GTF2I: variants seen among roughly 807,000 people sequenced by gnomAD.
GTF2I encodes general transcription factor IIi.
In GTF2I, 12 loss-of-function variants were observed where a neutral mutation model predicts 67.6. The observed-to-expected ratio is 0.18, with a 90% confidence interval of 0.11 to 0.29. The LOEUF (loss-of-function observed/expected upper bound fraction) is 0.29. GTF2I is among the 10% of genes least tolerant of loss of function. The pLI, the probability that GTF2I is intolerant of heterozygous loss-of-function variation, is 1.00. For synonymous variants in GTF2I, 149 were observed against 197.0 expected (o/e 0.76, Z 2.04); for missense variants, 271 against 580.1 (o/e 0.47, Z 5.47).
intron 6 of GTF2I, among the ~76,000 whole-genome samples, chr7:74,701,892 T>C (rs1789824745): frequency 1.3e-5 from 2 of 152,244 alleles, no homozygotes; most frequent in African/African-American, 4.8e-5. Flanking sequence ...GTCTCTGTTA[T>C]TTCATGAATG....
chr7:74,723,333 T>A (rs1208938019), intron 12 of GTF2I, among the ~76,000 whole-genome samples: 1 of 151,782 alleles, frequency 6.6e-6, no homozygotes, highest in Non-Finnish European at 1.5e-5. Flanking sequence ...TTCACCATTT[T>A]GGCCAGGGTG....
intron 26 of GTF2I, among the ~76,000 whole-genome samples, chr7:74,750,498 A>G (rs1795748183): frequency 9.7e-6 from 1 of 103,366 alleles, no homozygotes; most frequent in African/African-American, 3.1e-5. Flanking sequence ...CACATGAATT[A>G]TTTGAAATCA....
At chr7:74,733,410 A>ATGTAT (rs1794649377) in intron 15 of GTF2I, among the ~76,000 whole-genome samples, 1 of 137,960 alleles carries the variant, frequency 7.2e-6, no homozygotes, top group African/African-American at 2.7e-5. Context: ...TCCATGAAGC[A>ATGTAT]CCTTATGAGA....
At chr7:74,708,095 T>C (rs587715433) in intron 8 of GTF2I, among the ~76,000 whole-genome samples, 1 of 151,920 alleles carries the variant, frequency 6.6e-6, no homozygotes, top group Admixed American at 6.6e-5. Context: ...AGGTCAGGAG[T>C]TGGAGACCGG....
intron 1 of GTF2I, among the ~76,000 whole-genome samples, chr7:74,662,453 G>A (rs1174958589): frequency 1.0e-4 from 15 of 145,676 alleles, no homozygotes; most frequent in African/African-American, 2.8e-4. Context: ...CAGGTGATCC[G>A]CCTGCCTTGG....
chr7:74,659,988 GTCT>G (rs1408989439), intron 1 of GTF2I, among the ~76,000 whole-genome samples: 7 of 152,162 alleles, frequency 4.6e-5, no homozygotes, highest in African/African-American at 1.7e-4. Context: ...CGGAGGCGGG[GTCT>G]TCTCCCCAGG....
chr7:74,669,027 G>A (rs587753231), intron 1 of GTF2I, among the ~76,000 whole-genome samples: 96 of 151,894 alleles, frequency 6.3e-4, no homozygotes, highest in African/African-American at 2.2e-3. Context: ...AAGCCACCAC[G>A]CCCGGCCCAA....
chr7:74,703,701 A>G (rs1554400482), intron 6 of GTF2I, among the ~76,000 whole-genome samples: 1 of 152,186 alleles, frequency 6.6e-6, no homozygotes, highest in Non-Finnish European at 1.5e-5. Flanking sequence ...TTTTGACTTC[A>G]TATTCAAGAA....
intron 1 of GTF2I, among the ~76,000 whole-genome samples, chr7:74,668,173 C>CTTTTTTTTTTTTTTTTTTTTTTTTTTTT (rs781864782): frequency 1.1e-5 from 1 of 92,962 alleles, no homozygotes; most frequent in Non-Finnish European, 2.0e-5. Flanking sequence ...TGGTGCAGAA[C>CTTTTTTTTTTTTTTTTTTTTTTTTTTTT]TTTTTTTTTT....
rs919733174 is a variant in GTF2I at position 74,676,470 on chromosome 7, C to G, written c.-5-12654C>G. Among the ~76,000 whole-genome samples, 4 of 151,922 alleles carry G rather than the reference C, an allele frequency of 2.6e-5. No individual in the cohort carries two copies. In the South Asian group the frequency reaches 8.3e-4, roughly 31 times the overall value. On this transcript the variant is annotated intron_variant, in intron 1 of 34. Coordinates refer to ENST00000573035, the MANE Select transcript of GTF2I (RefSeq NM_032999.4). Reference sequence around the variant, plus strand: ...CTTATCTGAAAAACAAACAAACAAACAAACCAAAACCCTAGCAAAGCACAT... The same window carrying G: ...CTTATCTGAAAAACAAACAAACAAAGAAACCAAAACCCTAGCAAAGCACAT...
intron 6 of GTF2I, among the ~76,000 whole-genome samples, chr7:74,702,652 G>T (rs1435482000): frequency 1.3e-5 from 2 of 152,166 alleles, no homozygotes; most frequent in Non-Finnish European, 2.9e-5. Flanking sequence ...CATTGTAATA[G>T]ATGTGAAGTG....
Position 74,691,072 on chromosome 7 carries a change from A to G in GTF2I, c.199A>G (p.Asn67Asp), listed in dbSNP as rs782088030. ...AACTGAAAGAGGACGTGCTTTTGTCAATACCAGAAAGGATTTTCAAAAAGA... is the reference window on the plus strand; with the variant it reads ...AACTGAAAGAGGACGTGCTTTTGTCGATACCAGAAAGGATTTTCAAAAAGA... ...VGTERGRAFV[N>D]TRKDFQKDFV... The change falls in exon 3 of 35, where the codon AAT becomes GAT. Residue 67 changes from asparagine to aspartate, a missense_variant. Asn to Asp is a conservative substitution (Grantham distance 23). Transcript: ENST00000573035. 1.9e-6 allele frequency: 3 copies of G among 1,610,880 alleles called. No homozygotes were observed. In the Admixed American group the frequency reaches 5.0e-5, roughly 27 times the overall value.
intron 1 of GTF2I, among the ~76,000 whole-genome samples, chr7:74,659,451 G>C (rs1554385403): frequency 6.6e-6 from 1 of 151,532 alleles, no homozygotes; most frequent in Non-Finnish European, 1.5e-5. Flanking sequence ...GTGCACTGGT[G>C]TGATCTCGGC....
chr7:74,718,434 G>A (rs1316497212), intron 11 of GTF2I, among the ~76,000 whole-genome samples: 1 of 152,208 alleles, frequency 6.6e-6, no homozygotes, highest in Non-Finnish European at 1.5e-5. Context: ...TCAGTCTCTT[G>A]ATAGGAAAGT....
intron 1 of GTF2I, among the ~76,000 whole-genome samples, chr7:74,683,204 C>G (rs2131264400): frequency 6.6e-6 from 1 of 152,238 alleles, no homozygotes; most frequent in South Asian, 2.1e-4. Flanking sequence ...ACCTAGAATA[C>G]ACAGTGAAAC....
intron 12 of GTF2I, among the ~76,000 whole-genome samples, chr7:74,724,607 C>G (rs2718279): frequency 0.18 from 26,980 of 152,060 alleles, 4,501 homozygotes; most frequent in African/African-American, 0.44. Flanking sequence ...ATTGTAAATT[C>G]ATGAATAGCA....
intron 1 of GTF2I, among the ~76,000 whole-genome samples, chr7:74,673,882 A>G (rs1805672206): frequency 6.7e-6 from 1 of 149,144 alleles, no homozygotes; most frequent in Non-Finnish European, 1.5e-5. Flanking sequence ...GGTTTCACCG[A>G]GTTGGCCAGG....
chr7:74,714,886 G>A lies in GTF2I; in HGVS notation c.793G>A (p.Glu265Lys). The stretch of plus-strand genomic sequence containing the variant: ...CCCTTCTGAAACTGATGATGTTGAT[G>A]AAAAACAGCCCCTATCGAAGCCTTT... ...AGPSETDDVD[E>K]KQPLSKPLQG... Residue 265 changes from glutamate (E) to lysine (K), a missense_variant, in exon 10 of 35, where the codon GAA (glutamate) becomes AAA (lysine). This residue lies in a region of GTF2I where 124 missense variants were observed against 147.0 expected (regional missense o/e 0.84). Coordinates refer to ENST00000573035, the MANE Select transcript of GTF2I (RefSeq NM_032999.4). 1 of 1,607,156 alleles carries A rather than the reference G, an allele frequency of 6.2e-7. No individual in the cohort carries two copies. Among genetic ancestry groups the A allele is most frequent in the South Asian group, 1.1e-5 (1 of 90,074 alleles).
chr7:74,705,251 C>G (rs1225563007), intron 7 of GTF2I, 33 bp downstream of exon 7: 12 of 1,305,326 alleles, frequency 9.2e-6, no homozygotes, highest in Non-Finnish European at 1.3e-5. Flanking sequence ...CTGTTTAACT[C>G]CCACACCTCA....
Sources: gnomAD v4.1 joint callset for allele counts (sites outside exome capture counted in the v4.1 genomes callset) on GRCh38, gnomAD v4.1.1 for gene constraint, gnomAD v4.1.1 regional missense constraint, MANE v1.5 for transcripts, NCBI Gene and HGNC (gene_info 2026-07-23, HGNC 2026-07-21) for gene names.